FEZ1: variants seen among roughly 807,000 people sequenced by gnomAD.
The protein encoded by FEZ1 is fasciculation and elongation protein zeta 1.
FEZ1 carries 20 observed loss-of-function variants against 49.3 expected under a neutral mutation model. The ratio of observed to expected loss-of-function variants is 0.41; its 90% CI spans 0.29 to 0.59. The LOEUF (loss-of-function observed/expected upper bound fraction) is 0.59, where lower values mean the gene tolerates loss of function less well. Ranked by LOEUF, FEZ1 falls within the 20% of genes least tolerant of loss-of-function variation. The pLI is 0.36. For missense variants in FEZ1, 413 were observed against 476.0 expected (o/e 0.87, Z 1.23); for synonymous variants, 170 against 180.9 (o/e 0.94, Z 0.48).
intron 5 of FEZ1, among the ~76,000 whole-genome samples, chr11:125,458,640 A>C (rs903514114): frequency 6.6e-6 from 1 of 152,234 alleles, no homozygotes; most frequent in Non-Finnish European, 1.5e-5. Context: ...TCAATCTCTC[A>C]AAGATTTAGA....
intron 5 of FEZ1, 49 bp from the exon 6 acceptor site, chr11:125,456,155 CCCG>C: frequency 6.6e-7 from 1 of 1,516,740 alleles, no homozygotes; most frequent in South Asian, 1.3e-5. Flanking sequence ...CACACCAGAG[CCCG>C]CTGGGGAGGC....
chr11:125,484,608 C>T (rs1384479528), intron 2 of FEZ1, among the ~76,000 whole-genome samples: 2 of 148,204 alleles, frequency 1.3e-5, no homozygotes, highest in Admixed American at 6.8e-5. Flanking sequence ...GCGGAGGTTG[C>T]AGTGAGCCGA....
chr11:125,460,541 C>T lies in FEZ1; in HGVS notation c.624G>A (p.Met208Ile), dbSNP rs551418603. The change falls in exon 5 of 10, where the codon ATG becomes ATA. Residue 208 changes from methionine (M) to isoleucine (I), a missense_variant. Physicochemically the swap from Met to Ile is conservative, Grantham distance 10. Coordinates refer to ENST00000278919, the MANE Select transcript of FEZ1 (RefSeq NM_005103.5). ...SQADSVLLQEMQALTQTFNNN... is the reference protein window; with the variant it reads ...SQADSVLLQEIQALTQTFNNN... ...TGTTGAAGGTCTGTGTCAATGCCTG[C>T]ATCTCCTGCAGGAGGACCGAGTCTG... 1.9e-6 allele frequency: 3 copies of T among 1,614,056 alleles called. No individual in the cohort carries two copies. Among genetic ancestry groups the T allele is most frequent in the Middle Eastern group, 1.6e-4 (1 of 6,068 alleles).
intron 3 of FEZ1, among the ~76,000 whole-genome samples, chr11:125,467,756 C>A (rs889987430): frequency 6.6e-6 from 1 of 152,134 alleles, no homozygotes; most frequent in African/African-American, 2.4e-5. Context: ...GGGAGGATTG[C>A]TTGAGCCAGG....
At chr11:125,467,200 A>C (rs1473971956) in intron 3 of FEZ1, among the ~76,000 whole-genome samples, 3 of 152,016 alleles carry the variant, frequency 2.0e-5, no homozygotes, top group Admixed American at 6.6e-5. Context: ...CACCTGACTA[A>C]GATTTTTTTT....
At chr11:125,478,823 T>C (rs1025355070) in intron 3 of FEZ1, among the ~76,000 whole-genome samples, 1 of 152,232 alleles carries the variant, frequency 6.6e-6, no homozygotes, top group African/African-American at 2.4e-5. Flanking sequence ...GAAATGAGGA[T>C]AAATTAAAGC....
Position 125,454,227 on chromosome 11 carries a change from C to T in FEZ1, c.940-17G>A. 6.2e-7 allele frequency: 1 copy of T among 1,606,474 alleles called. No individual in the cohort carries two copies. Among genetic ancestry groups the T allele is most frequent in the Non-Finnish European group, 8.5e-7 (1 of 1,174,212 alleles). On this transcript the variant is annotated splice_polypyrimidine_tract_variant and intron_variant, in intron 6 of 9. Coordinates refer to ENST00000278919, the MANE Select transcript of FEZ1 (RefSeq NM_005103.5). ...GCTGAAGCGCTGTGGGGGAGAGAGA[C>T]TCAAGAAGGGCAAATGCTTCTTGCT...
chr11:125,490,777 G>A (rs568269744), intron 1 of FEZ1, among the ~76,000 whole-genome samples: 11 of 152,058 alleles, frequency 7.2e-5, no homozygotes, highest in East Asian at 3.9e-4. Flanking sequence ...GTTTCGTTTC[G>A]CTTTTGAGAC....
chr11:125,488,491 CA>C (rs952667490), intron 2 of FEZ1, among the ~76,000 whole-genome samples: 1 of 152,090 alleles, frequency 6.6e-6, no homozygotes, highest in Non-Finnish European at 1.5e-5. Context: ...CCAGCCTGGC[CA>C]ACATGGTGAA....
At chr11:125,490,277 A>G (rs752725699) in intron 1 of FEZ1, among the ~76,000 whole-genome samples, 50 of 152,344 alleles carry the variant, frequency 3.3e-4, no homozygotes, top group Non-Finnish European at 5.4e-4. Flanking sequence ...TGGCAGCAAA[A>G]TGTGACATGA....
intron 3 of FEZ1, among the ~76,000 whole-genome samples, chr11:125,481,273 G>A (rs1591598626): frequency 6.6e-6 from 1 of 151,752 alleles, no homozygotes; most frequent in Non-Finnish European, 1.5e-5. Context: ...TCAGTCTCCT[G>A]AGTAGCTGGG....
intron 2 of FEZ1, among the ~76,000 whole-genome samples, chr11:125,486,051 T>C (rs967888674): frequency 6.6e-6 from 1 of 152,230 alleles, no homozygotes; most frequent in Non-Finnish European, 1.5e-5. Flanking sequence ...CCGCTTTCTA[T>C]AACCTCTAAA....
intron 3 of FEZ1, among the ~76,000 whole-genome samples, chr11:125,473,753 A>T (rs1957202833): frequency 6.7e-6 from 1 of 148,362 alleles, no homozygotes; most frequent in South Asian, 2.2e-4. Flanking sequence ...TGGGAGGTGG[A>T]GGCTGCAGTG....
intron 6 of FEZ1, 155 bp from the exon 7 acceptor site, chr11:125,454,365 A>T: frequency 2.0e-6 from 1 of 501,792 alleles, no homozygotes; most frequent in Non-Finnish European, 3.5e-6. Flanking sequence ...GACAGGCCAG[A>T]ATTGAAGCCT....
At chr11:125,460,817 A>C (rs1957067765) in intron 4 of FEZ1, 151 bp from the exon 5 acceptor site, 1 of 611,584 alleles carries the variant, frequency 1.6e-6, no homozygotes, top group East Asian at 2.9e-5. Context: ...TAATAAAAAT[A>C]GTTCCAACCA....
In FEZ1 at chr11:125,489,835, A is replaced by C; in HGVS notation, c.-45-13T>G. 6.6e-7 allele frequency: 1 copy of C among 1,511,218 alleles called. No individual in the cohort carries two copies. Among genetic ancestry groups the C allele is most frequent in the Non-Finnish European group, 8.8e-7 (1 of 1,131,298 alleles). The allele number at this position is 1,511,218 out of a possible 1,614,324, so 93.6% of individuals were successfully genotyped here. ...AGGATGAGTTTATCTAAAAGAAATG[A>C]ACAGCGTAATGTGAGTTTAGACCAG... On this transcript the variant is annotated splice_polypyrimidine_tract_variant and intron_variant, in intron 1 of 9. Coordinates refer to ENST00000278919, the MANE Select transcript of FEZ1 (RefSeq NM_005103.5). This position sits in a 1 kb window ranked among gnomAD's most constrained non-coding sequence, Gnocchi z 4.2.
intron 4 of FEZ1, 25 bp downstream of exon 4, chr11:125,463,459 C>A: frequency 7.0e-7 from 1 of 1,428,962 alleles, no homozygotes; most frequent in South Asian, 1.2e-5. Flanking sequence ...CAAAAGGTCC[C>A]GATAACCTGG....
intron 3 of FEZ1, among the ~76,000 whole-genome samples, chr11:125,471,618 AAC>A (rs1409618571): frequency 3.9e-5 from 6 of 152,150 alleles, no homozygotes; most frequent in Non-Finnish European, 5.9e-5. Flanking sequence ...AAATATATAA[AAC>A]AAAAATCAAC....
chr11:125,447,832 A>AG (rs1371617976), intron 9 of FEZ1, among the ~76,000 whole-genome samples: 4 of 144,870 alleles, frequency 2.8e-5, no homozygotes, highest in Non-Finnish European at 6.2e-5. Flanking sequence ...AAAAAAAAAA[A>AG]AAAAGAAAGA....
Sources: allele counts gnomAD v4.1 joint callset (sites outside exome capture counted in the v4.1 genomes callset), GRCh38; gene constraint gnomAD v4.1.1; non-coding constraint Gnocchi (gnomAD v3.1); transcripts MANE v1.5; gene names NCBI Gene and HGNC (gene_info 2026-07-23, HGNC 2026-07-21).